The following CSMD1 variants were observed in gnomAD, a reference collection of about 807,000 sequenced individuals.
CSMD1 encodes CUB and sushi domain-containing protein 1.
Under a neutral mutation model 417.5 loss-of-function variants are expected in CSMD1, and 213 were observed. The observed-to-expected ratio is 0.51, with a 90% CI of 0.46 to 0.57. CSMD1 has a LOEUF of 0.57. Ranked by LOEUF, CSMD1 falls within the 20% of genes least tolerant of loss-of-function variation. CSMD1 has a pLI of 0.00. For synonymous variants in CSMD1, 2,862 were observed against 1,736.8 expected (o/e 1.65, Z -16.11); for missense variants, 6,923 against 4,529.7 (o/e 1.53, Z -15.17).
rs570760702 is a variant in CSMD1 at position 3,025,657 on chromosome 8, A to G, written c.7855+3662T>C. On this transcript the variant is annotated intron_variant, in intron 51 of 69. Coordinates refer to ENST00000635120, the MANE Select transcript of CSMD1 (RefSeq NM_033225.6). ...TTTACATATCTCCACCAAAACAACA[A>G]ACTTTGACAAAGTTAATGCAGAAGG... Among the ~76,000 whole-genome samples the G allele has an allele frequency of 1.2e-4, 19 of 152,344 alleles. No individual in the cohort carries two copies. In the South Asian group the frequency reaches 3.9e-3, roughly 32 times the overall value.
At chr8:3,617,427 C>A (rs1039844381) in intron 7 of CSMD1, among the ~76,000 whole-genome samples, 2 of 152,166 alleles carry the variant, frequency 1.3e-5, no homozygotes, top group Non-Finnish European at 2.9e-5. Context: ...CTTCAACATT[C>A]ATTTCATCCT....
intron 3 of CSMD1, among the ~76,000 whole-genome samples, chr8:4,328,846 G>C (rs1799704509): frequency 6.6e-6 from 1 of 152,156 alleles, no homozygotes; most frequent in Admixed American, 6.6e-5. Flanking sequence ...AGCAATTCTT[G>C]CTAGAATAAT....
At chr8:4,886,786 TTTA>T (rs1352698428) in intron 1 of CSMD1, among the ~76,000 whole-genome samples, 2 of 152,168 alleles carry the variant, frequency 1.3e-5, no homozygotes, top group African/African-American at 4.8e-5. Flanking sequence ...TTGGCATAAA[TTTA>T]TTCTTAAAAT....
chr8:4,838,035 G>C (rs1296669209), intron 1 of CSMD1, among the ~76,000 whole-genome samples: 2 of 152,186 alleles, frequency 1.3e-5, no homozygotes, highest in Admixed American at 1.3e-4. Context: ...CTAACTGCAG[G>C]CAAGGCAGTG....
At chr8:4,098,025 T>G (rs1323385235) in intron 3 of CSMD1, among the ~76,000 whole-genome samples, 1 of 152,178 alleles carries the variant, frequency 6.6e-6, no homozygotes, top group Non-Finnish European at 1.5e-5. Flanking sequence ...TTGCAGGAGT[T>G]CATATAATTT....
chr8:2,972,723 G>A lies in CSMD1; in HGVS notation c.8923+394C>T, dbSNP rs182997939. 1.7e-3 allele frequency among the ~76,000 whole-genome samples: 252 copies of A among 152,322 alleles called. 1 individual carries two copies. Among genetic ancestry groups the A allele is most frequent in the Non-Finnish European group, 2.6e-3 (175 of 68,016 alleles). Reference sequence around the variant, plus strand: ...GGGCCACCAACAGATTGGAAATGACGTGTGAAGGAAGCCTGCTTCCAGCCT... The same window carrying A: ...GGGCCACCAACAGATTGGAAATGACATGTGAAGGAAGCCTGCTTCCAGCCT... On this transcript the variant is annotated intron_variant, in intron 57 of 69. Coordinates refer to ENST00000635120, the MANE Select transcript of CSMD1 (RefSeq NM_033225.6).
intron 8 of CSMD1, among the ~76,000 whole-genome samples, chr8:3,606,033 A>G (rs1325438372): frequency 6.6e-6 from 1 of 152,190 alleles, no homozygotes; most frequent in Non-Finnish European, 1.5e-5. Flanking sequence ...TTCCTACAAA[A>G]TCACATGATT....
rs142613444 is a variant in CSMD1, at chr8:4,447,620, G to A, written c.303-27555C>T. Among the ~76,000 whole-genome samples the A allele has an allele frequency of 5.0e-3, 766 of 152,270 alleles. 5 individuals carry two copies. Among genetic ancestry groups the A allele is most frequent in the African/African-American group, 0.018 (729 of 41,564 alleles). ...CATGTAATACTTCCCACTTGACTAA[G>A]CTTGTTCAAAGTCGACAGGTTTACG... On this transcript the variant is annotated intron_variant, in intron 2 of 69. Transcript: ENST00000635120.
chr8:4,295,391 A>C (rs1334762820), intron 3 of CSMD1, among the ~76,000 whole-genome samples: 1 of 144,690 alleles, frequency 6.9e-6, no homozygotes, highest in Non-Finnish European at 1.5e-5. Flanking sequence ...TACACATATA[A>C]TCTTAAGATT....
intron 1 of CSMD1, among the ~76,000 whole-genome samples, chr8:4,978,148 G>T (rs528082010): frequency 2.3e-4 from 35 of 152,296 alleles, no homozygotes; most frequent in African/African-American, 8.2e-4. Flanking sequence ...GGCCCTGGAA[G>T]AAACATCTAA....
At chr8:4,670,909 A>T (rs1041805144) in intron 1 of CSMD1, among the ~76,000 whole-genome samples, 10 of 152,206 alleles carry the variant, frequency 6.6e-5, no homozygotes, top group Non-Finnish European at 1.3e-4. Context: ...TTTTAGTGAC[A>T]AGGATAGCTT....
intron 1 of CSMD1, among the ~76,000 whole-genome samples, chr8:4,684,166 A>C (rs1041737765): frequency 6.6e-6 from 1 of 152,258 alleles, no homozygotes; most frequent in African/African-American, 2.4e-5. Context: ...GGAATGCAAA[A>C]ACCTTAAATA....
intron 5 of CSMD1, among the ~76,000 whole-genome samples, chr8:3,808,586 A>T (rs1585029952): frequency 6.6e-6 from 1 of 152,162 alleles, no homozygotes; most frequent in African/African-American, 2.4e-5. Context: ...ATGTTTGAAA[A>T]TAATTGCACA....
At chr8:4,339,281 T>C (rs1800344573) in intron 3 of CSMD1, among the ~76,000 whole-genome samples, 3 of 152,158 alleles carry the variant, frequency 2.0e-5, no homozygotes, top group Non-Finnish European at 4.4e-5. Flanking sequence ...AGTTGATAAC[T>C]ACTTCAAACC....
At chr8:3,120,636 C>A (rs545861934) in intron 41 of CSMD1, among the ~76,000 whole-genome samples, 1 of 151,690 alleles carries the variant, frequency 6.6e-6, no homozygotes, top group East Asian at 1.9e-4. Flanking sequence ...ATCACAAGGT[C>A]AAGAGATTGA....
At chr8:3,910,572 T>G (rs1274227152) in intron 5 of CSMD1, among the ~76,000 whole-genome samples, 5 of 152,228 alleles carry the variant, frequency 3.3e-5, no homozygotes, top group Non-Finnish European at 7.3e-5. Context: ...GACAGTATTA[T>G]GAATGCATTA....
chr8:4,788,582 T>A, intron 1 of CSMD1: 2 of 1,284,164 alleles, frequency 1.6e-6, no homozygotes, highest in Non-Finnish European at 2.1e-6. Flanking sequence ...AGAATGTAAT[T>A]TATAAGAAAC....
intron 3 of CSMD1, among the ~76,000 whole-genome samples, chr8:4,102,691 T>A (rs1228302540): frequency 6.6e-6 from 1 of 152,228 alleles, no homozygotes; most frequent in Non-Finnish European, 1.5e-5. Context: ...CATTTACTGA[T>A]AATGTTCTCC....
At chr8:4,287,968 A>C (rs1797154331) in intron 3 of CSMD1, among the ~76,000 whole-genome samples, 1 of 152,156 alleles carries the variant, frequency 6.6e-6, no homozygotes, top group South Asian at 2.1e-4. Context: ...ATCCCAAGAC[A>C]ATATGATAAT....
Sources: gnomAD v4.1 joint callset for allele counts (sites outside exome capture counted in the v4.1 genomes callset) on GRCh38, gnomAD v4.1.1 for gene constraint, MANE v1.5 for transcripts, NCBI Gene and HGNC (gene_info 2026-07-23, HGNC 2026-07-21) for gene names.